LARGE1: variants seen among roughly 807,000 people sequenced by gnomAD.
The protein encoded by LARGE1 is LARGE xylosyl- and glucuronyltransferase 1.
In LARGE1, 43 loss-of-function variants were observed where a neutral mutation model predicts 87.6. The ratio of observed to expected loss-of-function variants is 0.49; its 90% CI spans 0.38 to 0.63. The LOEUF (loss-of-function observed/expected upper bound fraction) is 0.63, where lower values mean the gene tolerates loss of function less well. LARGE1 is among the 30% of genes least tolerant of loss of function. The probability of loss-of-function intolerance (pLI) is 0.00; values close to 1 mark genes in which losing one functional copy is unlikely to be tolerated. For synonymous variants in LARGE1, 434 were observed against 394.6 expected (o/e 1.10, Z -1.18); for missense variants, 802 against 1,000.2 (o/e 0.80, Z 2.67).
chr22:33,148,942 G>GTAAAAATAT, the LARGE1 span, among the ~76,000 whole-genome samples: 29 of 151,490 alleles, frequency 1.9e-4, no homozygotes, highest in Non-Finnish European at 4.4e-5. Flanking sequence ...TTTGGAGAGT[G>GTAAAAATAT]ATTTAAAAAA....
chr22:33,617,642 G>C (rs553882536), intron 4 of LARGE1, among the ~76,000 whole-genome samples: 1 of 152,294 alleles, frequency 6.6e-6, no homozygotes, highest in East Asian at 1.9e-4. Context: ...AGGCCAGCTT[G>C]GGTACACATC....
At chr22:33,860,629 G>A (rs1298129257) in intron 1 of LARGE1, among the ~76,000 whole-genome samples, 3 of 152,142 alleles carry the variant, frequency 2.0e-5, no homozygotes, top group Non-Finnish European at 4.4e-5. Context: ...AGGTGGTGGT[G>A]GGATCAGCAC....
intron 2 of LARGE1, among the ~76,000 whole-genome samples, chr22:33,707,631 C>T (rs1216148759): frequency 6.6e-6 from 1 of 152,222 alleles, no homozygotes; most frequent in Non-Finnish European, 1.5e-5. Context: ...TATCAAGCTG[C>T]TTTAGAAAAG....
chr22:33,266,505 T>G (rs1462434526), intron 11 of LARGE1, among the ~76,000 whole-genome samples: 1 of 151,820 alleles, frequency 6.6e-6, no homozygotes, highest in African/African-American at 2.4e-5. Flanking sequence ...ATTACAGGCA[T>G]GAGCCACAGT....
intron 2 of LARGE1, among the ~76,000 whole-genome samples, chr22:33,702,913 G>A (rs1569386807): frequency 1.3e-5 from 2 of 152,188 alleles, no homozygotes; most frequent in East Asian, 1.9e-4. Flanking sequence ...TTGTAGAGCA[G>A]AAGACCCTGA....
intron 2 of LARGE1, among the ~76,000 whole-genome samples, chr22:33,664,146 C>T (rs571329978): frequency 2.6e-5 from 4 of 152,210 alleles, no homozygotes; most frequent in African/African-American, 7.2e-5. Context: ...CCTGTGCTTC[C>T]CAGTGCCTGG....
chr22:33,897,506 G>T (rs1400278065), intron 1 of LARGE1, among the ~76,000 whole-genome samples: 2 of 152,150 alleles, frequency 1.3e-5, no homozygotes, highest in African/African-American at 4.8e-5. Context: ...GCAGAAGTCA[G>T]GACAGGGCAG....
intron 11 of LARGE1, among the ~76,000 whole-genome samples, chr22:33,306,282 T>C (rs1246199946): frequency 6.6e-6 from 1 of 152,204 alleles, no homozygotes; most frequent in East Asian, 1.9e-4. Context: ...CCTGCACCTG[T>C]TTTACCTTCT....
chr22:33,541,276 T>G (rs1185283027), intron 6 of LARGE1, among the ~76,000 whole-genome samples: 1 of 151,726 alleles, frequency 6.6e-6, no homozygotes, highest in African/African-American at 2.4e-5. Flanking sequence ...GGGCTGGGAC[T>G]TGAACACAGG....
intron 3 of LARGE1, among the ~76,000 whole-genome samples, chr22:33,643,221 T>C (rs573388125): frequency 2.7e-5 from 4 of 150,786 alleles, no homozygotes; most frequent in African/African-American, 7.5e-5. Flanking sequence ...GCAATCAAAT[T>C]AGAGCTCAGG....
intron 1 of LARGE1, among the ~76,000 whole-genome samples, chr22:33,835,190 G>C (rs1601733549): frequency 6.6e-6 from 1 of 152,112 alleles, no homozygotes; most frequent in Non-Finnish European, 1.5e-5. Flanking sequence ...TGTTCATAAG[G>C]GCTTTATGGT....
intron 2 of LARGE1, among the ~76,000 whole-genome samples, chr22:33,679,988 T>G (rs1215573616): frequency 1.3e-5 from 2 of 152,218 alleles, no homozygotes; most frequent in Non-Finnish European, 2.9e-5. Context: ...CACAATCAAT[T>G]TCTTTTGTTT....
chr22:33,796,733 T>A, intron 1 of LARGE1, among the ~76,000 whole-genome samples: 1 of 149,928 alleles, frequency 6.7e-6, no homozygotes, highest in East Asian at 2.0e-4. Context: ...GGAGGGGAGA[T>A]TTTTACCTTA....
Position 33,643,996 on chromosome 22 carries a change from G to A in LARGE1, c.408+6371C>T, listed in dbSNP as rs533219714. Among the ~76,000 whole-genome samples the A allele has an allele frequency of 2.6e-5, 4 of 152,276 alleles. No homozygotes were observed. The East Asian group carries it at 7.7e-4, about 29-fold the overall frequency. ...CTTACCAGAGGTACAAAGAGGAGCT[G>A]GTGCCATTCCTTCTGAAACTATTCC... On this transcript the variant is annotated intron_variant, in intron 3 of 14. Transcript: ENST00000397394.
chr22:33,115,066 T>C, the LARGE1 span, among the ~76,000 whole-genome samples: 9 of 152,176 alleles, frequency 5.9e-5, no homozygotes, highest in African/African-American at 1.9e-4. Context: ...GAGGGAGATA[T>C]AGATGAATGT....
At chr22:33,230,004 CTTTTTT>C (rs557120175) in intron 11 of LARGE1, among the ~76,000 whole-genome samples, 2 of 81,164 alleles carry the variant, frequency 2.5e-5, no homozygotes, top group South Asian at 5.5e-4. Flanking sequence ...TTTCAAAGTT[CTTTTTT>C]TTTTTTTTTT....
chr22:33,283,350 T>G lies in LARGE1; in HGVS notation c.1731-2A>C, dbSNP rs1930841715. The G allele has an allele frequency of 1.9e-6, 3 of 1,613,928 alleles. No homozygotes were observed. Among genetic ancestry groups the G allele is most frequent in the Non-Finnish European group, 2.5e-6 (3 of 1,180,008 alleles). The stretch of plus-strand genomic sequence containing the variant: ...AGATCGAGCTGGATGACAGACTTCC[T>G]GAAAAGAGGGGACAGGCAGAGAGAC... On this transcript the variant is annotated splice_acceptor_variant, in intron 12 of 14. Coordinates refer to ENST00000397394, the MANE Select transcript of LARGE1 (RefSeq NM_133642.5). LOFTEE classifies it high-confidence loss of function.
chr22:33,799,980 G>A (rs914665739), intron 1 of LARGE1, among the ~76,000 whole-genome samples: 21 of 152,176 alleles, frequency 1.4e-4, no homozygotes, highest in African/African-American at 5.1e-4. Flanking sequence ...TAGGGAAGAA[G>A]AAGATCCTCG....
At chr22:33,832,254 C>T (rs2062992760) in intron 1 of LARGE1, among the ~76,000 whole-genome samples, 1 of 152,186 alleles carries the variant, frequency 6.6e-6, no homozygotes, top group Non-Finnish European at 1.5e-5. Flanking sequence ...AGACAGCACA[C>T]AGCCATCTTC....
Sources: gnomAD v4.1 joint callset for allele counts (sites outside exome capture counted in the v4.1 genomes callset) on GRCh38, gnomAD v4.1.1 for gene constraint, MANE v1.5 for transcripts, NCBI Gene and HGNC (gene_info 2026-07-23, HGNC 2026-07-21) for gene names.